Variants in ADCY2 observed in about 807,000 individuals in gnomAD.
The protein encoded by ADCY2 is adenylate cyclase 2.
In ADCY2, 31 loss-of-function variants were observed where a neutral mutation model predicts 125.2. That is an observed-to-expected ratio of 0.25 (90% CI 0.19 to 0.33). The LOEUF (loss-of-function observed/expected upper bound fraction) is 0.33, where lower values mean the gene tolerates loss of function less well. Ranked by LOEUF, ADCY2 falls within the 10% of genes least tolerant of loss-of-function variation. The pLI is 1.00. For synonymous variants in ADCY2, 512 were observed against 548.4 expected (o/e 0.93, Z 0.93); for missense variants, 904 against 1,418.2 (o/e 0.64, Z 5.82).
At chr5:7,640,871 CT>C (rs1738678544) in intron 4 of ADCY2, among the ~76,000 whole-genome samples, 1 of 152,128 alleles carries the variant, frequency 6.6e-6, no homozygotes, top group Non-Finnish European at 1.5e-5. Flanking sequence ...GCTAGATTGT[CT>C]TCTAAGACTA....
intron 4 of ADCY2, among the ~76,000 whole-genome samples, chr5:7,661,905 C>T (rs1197451813): frequency 1.3e-5 from 2 of 152,136 alleles, no homozygotes; most frequent in Non-Finnish European, 2.9e-5. Context: ...CACAAAAAGA[C>T]ATTTCTAATT....
In ADCY2 at chr5:7,432,765, C is replaced by T. The variant is rs549453588; in HGVS notation, c.408+17995C>T. On this transcript the variant is annotated intron_variant, in intron 2 of 24. Transcript: ENST00000338316. Reference sequence around the variant, plus strand: ...AAAAGCTGATTGTACACAATGTTGGCCAAGACATAGAGGGATGGGTACAAT... The same window carrying T: ...AAAAGCTGATTGTACACAATGTTGGTCAAGACATAGAGGGATGGGTACAAT... Among the ~76,000 whole-genome samples the T allele has an allele frequency of 3.3e-5, 5 of 152,246 alleles. No individual in the cohort carries two copies. The East Asian group carries it at 9.7e-4, about 29-fold the overall frequency.
At chr5:7,722,963 A>C (rs1413753956) in intron 12 of ADCY2, among the ~76,000 whole-genome samples, 1 of 52,506 alleles carries the variant, frequency 1.9e-5, no homozygotes, top group Non-Finnish European at 5.7e-5. Context: ...TCCATCTCAA[A>C]AAAAAAAAAA....
intron 1 of ADCY2, among the ~76,000 whole-genome samples, chr5:7,407,412 T>TA (rs1739537515): frequency 6.6e-6 from 1 of 152,078 alleles, no homozygotes; most frequent in Non-Finnish European, 1.5e-5. Context: ...TCAGGAAACT[T>TA]ACAATTGTGG....
At chr5:7,788,995 A>T (rs1234367055) in intron 19 of ADCY2, among the ~76,000 whole-genome samples, 1 of 152,226 alleles carries the variant, frequency 6.6e-6, no homozygotes, top group Non-Finnish European at 1.5e-5. Flanking sequence ...AGTAATAACT[A>T]CTTTTAAAAT....
At chr5:7,492,852 TAGATTGGGGCTCTTCCACCTGCATTC>T (rs1198822692) in intron 2 of ADCY2, among the ~76,000 whole-genome samples, 2 of 152,138 alleles carry the variant, frequency 1.3e-5, no homozygotes, top group Admixed American at 1.3e-4. Flanking sequence ...GCTGCAGTTA[TAGATTGGGGCTCTTCCACCTGCATTC>T]AGTGGTGCAG....
intron 11 of ADCY2, among the ~76,000 whole-genome samples, chr5:7,714,346 A>G (rs1420867888): frequency 1.3e-5 from 2 of 152,244 alleles, no homozygotes; most frequent in African/African-American, 4.8e-5. Flanking sequence ...GTCTATTTAT[A>G]GAAGTTACGA....
At chr5:7,600,587 A>G (rs970170280) in intron 3 of ADCY2, among the ~76,000 whole-genome samples, 5 of 152,216 alleles carry the variant, frequency 3.3e-5, no homozygotes, top group African/African-American at 1.2e-4. Flanking sequence ...TGCTGAAAGC[A>G]TGCTGAGATT....
chr5:7,443,088 A>G lies in ADCY2; in HGVS notation c.408+28318A>G, dbSNP rs77590930. ...ATTTCTGCACAACAAAATACCCCTG[A>G]CACACCCTCCATCTTTCCTTTTCCA... On this transcript the variant is annotated intron_variant, in intron 2 of 24. Coordinates refer to ENST00000338316, the MANE Select transcript of ADCY2 (RefSeq NM_020546.3). Among the ~76,000 whole-genome samples, 684 of 152,228 alleles carry G rather than the reference A, an allele frequency of 4.5e-3. 7 individuals are homozygous for G. The highest frequency in any genetic ancestry group is 0.016 in the African/African-American group (665 of 41,546).
At position 7,727,232 on chromosome 5, in the gene ADCY2, C is replaced by A; in HGVS notation, c.1842C>A (p.Ile614=). 1 of 1,614,122 alleles carries A rather than the reference C, an allele frequency of 6.2e-7. No individual in the cohort carries two copies. Among genetic ancestry groups the A allele is most frequent in the Admixed American group, 1.7e-5 (1 of 60,024 alleles). ...VTCACLIFFC[I]FIVQILVLPK... Reference sequence around the variant, plus strand: ...GTGCCTGTCTCATATTCTTCTGCATCTTCATTGTGCAGATTCTCGTGCTGC... The same window carrying A: ...GTGCCTGTCTCATATTCTTCTGCATATTCATTGTGCAGATTCTCGTGCTGC... The change falls in exon 14 of 25, where the codon ATC becomes ATA. Residue 614 remains isoleucine (I), a synonymous_variant. Coordinates refer to ENST00000338316, the MANE Select transcript of ADCY2 (RefSeq NM_020546.3).
Position 7,750,859 on chromosome 5 carries a change from C to T in ADCY2, c.1957-6590C>T, listed in dbSNP as rs1381653773. Among the ~76,000 whole-genome samples the T allele has an allele frequency of 2.0e-5, 3 of 151,998 alleles. No individual in the cohort carries two copies. In the East Asian group the frequency reaches 5.8e-4, roughly 29 times the overall value. On this transcript the variant is annotated intron_variant, in intron 15 of 24. Transcript: ENST00000338316. ...TATTTTTGAGACTCAGCTGTGTATT[C>T]TCTACCACAGACCTCATAATCCGCT...
chr5:7,541,854 A>G (rs1425594503), intron 3 of ADCY2, among the ~76,000 whole-genome samples: 2 of 152,254 alleles, frequency 1.3e-5, no homozygotes, highest in Non-Finnish European at 2.9e-5. Flanking sequence ...AAATACATGT[A>G]AAAGAAATAA....
chr5:7,814,682 G>A (rs1398873456), intron 22 of ADCY2, among the ~76,000 whole-genome samples: 1 of 152,140 alleles, frequency 6.6e-6, no homozygotes, highest in Non-Finnish European at 1.5e-5. Context: ...TTGAATAGGT[G>A]CTTATGTCTA....
At chr5:7,543,790 G>A (rs998317929) in intron 3 of ADCY2, among the ~76,000 whole-genome samples, 2 of 151,884 alleles carry the variant, frequency 1.3e-5, no homozygotes, top group South Asian at 2.1e-4. Flanking sequence ...GAGGTGGGCG[G>A]ATCACAAGGT....
intron 3 of ADCY2, among the ~76,000 whole-genome samples, chr5:7,527,805 G>A (rs1275968382): frequency 1.3e-5 from 2 of 152,160 alleles, no homozygotes; most frequent in Non-Finnish European, 2.9e-5. Flanking sequence ...GTCTTTTTAA[G>A]TATAATTCAG....
intron 2 of ADCY2, among the ~76,000 whole-genome samples, chr5:7,442,178 A>G (rs1422301228): frequency 3.9e-5 from 6 of 152,236 alleles, no homozygotes; most frequent in South Asian, 4.1e-4. Flanking sequence ...CAAAATCCCC[A>G]TTAGGGACAT....
intron 3 of ADCY2, among the ~76,000 whole-genome samples, chr5:7,531,415 CA>C (rs1561077516): frequency 6.6e-6 from 1 of 152,182 alleles, no homozygotes; most frequent in East Asian, 1.9e-4. Flanking sequence ...GACCACCCCC[CA>C]GATGAGAAAC....
At chr5:7,685,539 A>G (rs1740493973) in intron 4 of ADCY2, among the ~76,000 whole-genome samples, 1 of 152,210 alleles carries the variant, frequency 6.6e-6, no homozygotes, top group Non-Finnish European at 1.5e-5. Flanking sequence ...AAAGTCAGAG[A>G]AAGATAAAGC....
chr5:7,429,802 A>C (rs1740523330), intron 2 of ADCY2, among the ~76,000 whole-genome samples: 1 of 152,218 alleles, frequency 6.6e-6, no homozygotes, highest in Non-Finnish European at 1.5e-5. Context: ...GTTTATGCTG[A>C]AAAGAAGAAA....
Sources: gnomAD v4.1 joint callset for allele counts (sites outside exome capture counted in the v4.1 genomes callset) on GRCh38, gnomAD v4.1.1 for gene constraint, MANE v1.5 for transcripts, NCBI Gene and HGNC (gene_info 2026-07-23, HGNC 2026-07-21) for gene names.